The following P3H2 variants were observed in gnomAD, a reference collection of about 807,000 sequenced individuals.
The protein encoded by P3H2 is leprecan-like 1.
In P3H2, 80 loss-of-function variants were observed where a neutral mutation model predicts 87.0. The ratio of observed to expected loss-of-function variants is 0.92; its 90% CI spans 0.77 to 1.11. The LOEUF is 1.11. Ranked by LOEUF, P3H2 falls within the 50% of genes least tolerant of loss-of-function variation. P3H2 has a pLI of 0.00. For synonymous variants in P3H2, 367 were observed against 359.3 expected (o/e 1.02, Z -0.24); for missense variants, 1,001 against 923.9 (o/e 1.08, Z -1.08).
chr3:190,103,854 C>T (rs1278019818), intron 1 of P3H2, among the ~76,000 whole-genome samples: 4 of 151,778 alleles, frequency 2.6e-5, no homozygotes, highest in East Asian at 1.9e-4. Context: ...TGCAGTGGTG[C>T]GATCTCGGCT....
intron 1 of P3H2, among the ~76,000 whole-genome samples, chr3:190,063,406 G>A (rs7636581): frequency 0.17 from 25,363 of 152,154 alleles, 3,151 homozygotes; most frequent in African/African-American, 0.35. Context: ...TGGTCAATAC[G>A]TTTGGCTATT....
chr3:190,060,316 C>G (rs895869816), intron 1 of P3H2, among the ~76,000 whole-genome samples: 9 of 152,128 alleles, frequency 5.9e-5, no homozygotes, highest in Non-Finnish European at 1.3e-4. Context: ...TAAAACTAGG[C>G]TGGAGATCTG....
chr3:190,005,830 G>C (rs1407927963), intron 1 of P3H2, among the ~76,000 whole-genome samples: 1 of 152,176 alleles, frequency 6.6e-6, no homozygotes, highest in Non-Finnish European at 1.5e-5. Context: ...GGTCTCTGCA[G>C]GTATGTCACC....
intron 1 of P3H2, among the ~76,000 whole-genome samples, chr3:190,020,909 G>A (rs7615222): frequency 0.069 from 9,204 of 134,156 alleles, 1,907 homozygotes; most frequent in African/African-American, 0.21. Context: ...AAGCTGGATG[G>A]CTATGGAACT....
intron 8 of P3H2, among the ~76,000 whole-genome samples, chr3:189,979,064 A>T (rs1193453671): frequency 6.6e-6 from 1 of 152,204 alleles, no homozygotes; most frequent in Non-Finnish European, 1.5e-5. Context: ...CGATAGTGTC[A>T]TACAAAGCAT....
upstream of P3H2, chr3:190,122,108 AAGAG>A (rs1274069517): frequency 1.4e-5 from 2 of 146,192 alleles, no homozygotes; most frequent in African/African-American, 5.2e-5. Context: ...AGAAAAAGAA[AAGAG>A]AGGAGAGGAG....
At chr3:190,033,278 G>C (rs922036736) in intron 1 of P3H2, among the ~76,000 whole-genome samples, 17 of 151,178 alleles carry the variant, frequency 1.1e-4, no homozygotes, top group Non-Finnish European at 2.5e-4. Flanking sequence ...GTACGGGTCC[G>C]TGACCTGGGG....
chr3:190,120,657 G>A lies in P3H2; in HGVS notation c.75C>T (p.Gly25=), dbSNP rs778470475. The change falls in exon 1 of 15, where the codon GGC becomes GGT. Residue 25 remains glycine, a synonymous_variant. Transcript: ENST00000319332. ...GCTCCCGGCGTGGGCTGTCCGGGGG[G>A]CCGCCCCACAGTGGCGGCGGCAGTA... The part of the protein sequence containing the change: ...PLLLPPPLWG[G]PPDSPRRELE... The A allele has an allele frequency of 1.3e-5, 20 of 1,524,256 alleles. No individual in the cohort carries two copies. Among genetic ancestry groups the A allele is most frequent in the Non-Finnish European group, 1.6e-5 (18 of 1,142,958 alleles). 94.4% of individuals were successfully genotyped at this position (1,524,256 alleles called of 1,614,324 possible).
intron 1 of P3H2, among the ~76,000 whole-genome samples, chr3:190,014,213 G>T (rs1724682218): frequency 6.6e-6 from 1 of 152,078 alleles, no homozygotes; most frequent in South Asian, 2.1e-4. Context: ...ATTGAATGAA[G>T]GAATGAATAA....
At chr3:189,964,174 T>G (rs556754826) in intron 13 of P3H2, 76 bp from the exon 14 acceptor site, 2 of 1,341,780 alleles carry the variant, frequency 1.5e-6, no homozygotes, top group Non-Finnish European at 2.1e-6. Context: ...TCTCTGGCTA[T>G]GAGATTATTT....
chr3:189,993,034 G>C (rs1224908560), intron 3 of P3H2, among the ~76,000 whole-genome samples: 2 of 151,964 alleles, frequency 1.3e-5, no homozygotes, highest in Non-Finnish European at 2.9e-5. Flanking sequence ...ACTTAGAAGA[G>C]CTTTTCTGCT....
At position 190,082,213 on chromosome 3, in the gene P3H2, G is replaced by A. The variant is rs144335739; in HGVS notation, c.480+38039C>T. 5.5e-3 allele frequency among the ~76,000 whole-genome samples: 835 copies of A among 152,188 alleles called. 8 individuals carry two copies. The highest frequency in any genetic ancestry group is 0.019 in the African/African-American group (784 of 41,514). ...GGAAGTTGCAGTGAGCTGAGATCAC[G>A]CCTCTGCACTCCAGCCTGAGTGACA... On this transcript the variant is annotated intron_variant, in intron 1 of 14. Transcript: ENST00000319332.
chr3:190,082,871 T>C (rs1727089514), intron 1 of P3H2, among the ~76,000 whole-genome samples: 1 of 152,124 alleles, frequency 6.6e-6, no homozygotes, highest in South Asian at 2.1e-4. Flanking sequence ...ATATGAACAG[T>C]AAAAGAAAAT....
At chr3:190,033,168 C>A (rs1725311188) in intron 1 of P3H2, among the ~76,000 whole-genome samples, 1 of 152,176 alleles carries the variant, frequency 6.6e-6, no homozygotes, top group African/African-American at 2.4e-5. Flanking sequence ...AGAGCTCTGG[C>A]AGTAATGCAG....
At chr3:190,003,229 A>G (rs1002366484) in intron 1 of P3H2, among the ~76,000 whole-genome samples, 6 of 152,174 alleles carry the variant, frequency 3.9e-5, no homozygotes, top group Admixed American at 3.3e-4. Context: ...TCTGATTAAT[A>G]GACTCCTGCT....
chr3:190,067,389 G>C (rs748239387), intron 1 of P3H2, among the ~76,000 whole-genome samples: 1 of 152,104 alleles, frequency 6.6e-6, no homozygotes, highest in Non-Finnish European at 1.5e-5. Flanking sequence ...GAAGCAAAGA[G>C]ACAAATCCTT....
rs1380477446 is a variant in P3H2 at position 189,973,968 on chromosome 3, T to C, written c.1489A>G (p.Thr497Ala). Residue 497 changes from threonine (T) to alanine (A), a missense_variant, in exon 10 of 15, where the codon ACT becomes GCT. Physicochemically the swap from Thr to Ala is moderately conservative, Grantham distance 58 (BLOSUM62 0). Coordinates refer to ENST00000319332, the MANE Select transcript of P3H2 (RefSeq NM_018192.4). Reference protein sequence around the residue: ...MLVGDGYRGKTSPHTPNEKFE... With the variant: ...MLVGDGYRGKASPHTPNEKFE... The stretch of plus-strand genomic sequence containing the variant: ...TTTTCATTGGGTGTATGGGGTGAAG[T>C]TTTTCCTCTGTATCCATCACCAACA... 3 of 1,613,864 alleles carry C rather than the reference T, an allele frequency of 1.9e-6. No homozygotes were observed. The highest frequency in any genetic ancestry group is 1.3e-5 in the African/African-American group (1 of 74,882).
chr3:190,043,147 G>A (rs1005723124), intron 1 of P3H2, among the ~76,000 whole-genome samples: 7 of 88,584 alleles, frequency 7.9e-5, no homozygotes, highest in South Asian at 4.5e-4. Context: ...TAATAGAAGC[G>A]TCTGTGTGTG....
intron 8 of P3H2, among the ~76,000 whole-genome samples, chr3:189,975,565 G>A (rs571984796): frequency 6.6e-6 from 1 of 152,178 alleles, no homozygotes; most frequent in Non-Finnish European, 1.5e-5. Context: ...AAGGGGCCTG[G>A]TGCGTGCTTG....
Sources: gnomAD v4.1 joint callset for allele counts (sites outside exome capture counted in the v4.1 genomes callset) on GRCh38, gnomAD v4.1.1 for gene constraint, MANE v1.5 for transcripts, NCBI Gene and HGNC (gene_info 2026-07-23, HGNC 2026-07-21) for gene names.